Variants in HCN1 observed in about 807,000 individuals in gnomAD.
HCN1 encodes potassium/sodium hyperpolarization-activated cyclic nucleotide-gated channel 1.
Under a neutral mutation model 78.9 loss-of-function variants are expected in HCN1, and 13 were observed. The ratio of observed to expected loss-of-function variants is 0.16; its 90% CI spans 0.11 to 0.26. The LOEUF is 0.26. HCN1 is among the 10% of genes least tolerant of loss of function. The pLI, the probability that HCN1 is intolerant of heterozygous loss-of-function variation, is 1.00. For missense variants in HCN1, 810 were observed against 1,154.3 expected (o/e 0.70, Z 4.32); for synonymous variants, 552 against 455.5 (o/e 1.21, Z -2.70).
At chr5:45,295,910 C>T (rs1364791140) in intron 6 of HCN1, among the ~76,000 whole-genome samples, 1 of 151,860 alleles carries the variant, frequency 6.6e-6, no homozygotes, top group Non-Finnish European at 1.5e-5. Flanking sequence ...ATATGTATAG[C>T]TTATTAAATA....
intron 1 of HCN1, among the ~76,000 whole-genome samples, chr5:45,689,701 C>T (rs912771318): frequency 3.3e-5 from 5 of 151,988 alleles, no homozygotes; most frequent in East Asian, 1.9e-4. Context: ...CTGCATATAT[C>T]GGCTGAAATT....
Position 45,262,070 on chromosome 5 carries a change from A to C in HCN1, c.2524T>G (p.Phe842Val), listed in dbSNP as rs888196323. The change falls in exon 8 of 8, where the codon TTC (phenylalanine) becomes GTC (valine). Residue 842 changes from phenylalanine to valine, a missense_variant. By Grantham distance (50) the Phe-to-Val change is conservative. Transcript: ENST00000303230. ...RSTVPQRVTL[F>V]RQMSSGAIPP... ...ATGGCTCCCGACGACATCTGTCGGA[A>C]GAGGGTGACGCGCTGCGGGACAGTG... 1 of 1,613,700 alleles carries C rather than the reference A, an allele frequency of 6.2e-7. No homozygotes were observed. Among genetic ancestry groups the C allele is most frequent in the Non-Finnish European group, 8.5e-7 (1 of 1,179,972 alleles).
intron 2 of HCN1, among the ~76,000 whole-genome samples, chr5:45,485,139 C>G (rs185233946): frequency 6.6e-6 from 1 of 152,022 alleles, no homozygotes; most frequent in Non-Finnish European, 1.5e-5. Context: ...CTAATGGGGG[C>G]GGAAAAACTG....
intron 2 of HCN1, among the ~76,000 whole-genome samples, chr5:45,489,520 A>G (rs937911257): frequency 1.3e-5 from 2 of 152,170 alleles, no homozygotes; most frequent in African/African-American, 2.4e-5. Flanking sequence ...CAGAAATTCC[A>G]TGCATCTCCC....
chr5:45,313,893 G>T (rs1272798582), intron 5 of HCN1, among the ~76,000 whole-genome samples: 2 of 152,164 alleles, frequency 1.3e-5, no homozygotes, highest in African/African-American at 4.8e-5. Context: ...ACATCTGATT[G>T]GTGTACCTGA....
chr5:45,307,916 A>C (rs563074678), intron 5 of HCN1, among the ~76,000 whole-genome samples: 7 of 152,126 alleles, frequency 4.6e-5, no homozygotes, highest in Non-Finnish European at 1.0e-4. Context: ...GGAATTCTCC[A>C]TACTATTTCT....
intron 2 of HCN1, among the ~76,000 whole-genome samples, chr5:45,581,422 C>A (rs545186145): frequency 6.6e-6 from 1 of 151,900 alleles, no homozygotes; most frequent in East Asian, 1.9e-4. Context: ...GGATATTAGC[C>A]CTTTGTCAGA....
In HCN1 at chr5:45,515,248, C is replaced by T. The variant is rs533155921; in HGVS notation, c.850-53241G>A. ...GGTTTTCTTTTTTTCTTATAGATAA[C>T]CAAATTACTTGCCCAAAGAAGCTCT... On this transcript the variant is annotated intron_variant, in intron 2 of 7. Transcript: ENST00000303230. Among the ~76,000 whole-genome samples, 21 of 151,916 alleles carry T rather than the reference C, an allele frequency of 1.4e-4. 1 individual carries two copies. In the South Asian group the frequency reaches 4.2e-3, roughly 30 times the overall value.
intron 5 of HCN1, among the ~76,000 whole-genome samples, chr5:45,323,346 C>T (rs2111939560): frequency 6.6e-6 from 1 of 151,836 alleles, no homozygotes; most frequent in East Asian, 2.0e-4. Context: ...CTTAATTTTA[C>T]TTTTTTATTT....
chr5:45,649,040 C>A (rs1483837506), intron 1 of HCN1, among the ~76,000 whole-genome samples: 1 of 151,914 alleles, frequency 6.6e-6, no homozygotes, highest in Non-Finnish European at 1.5e-5. Context: ...ACAAGCATCC[C>A]ATATCTCAGG....
In HCN1 at chr5:45,262,597, G is replaced by T; in HGVS notation, c.1997C>A (p.Pro666Gln). ...AGACAGGCTGGTCGCTGTGTACACC[G>T]GTGGAGATTGTGTCCTCATGCGGGA... The part of the protein sequence containing the change: ...PTSRMRTQSP[P>Q]VYTATSLSHS... Residue 666 changes from proline (P) to glutamine (Q), a missense_variant, in exon 8 of 8, where the codon CCG (proline) becomes CAG (glutamine). By Grantham distance (76) the Pro-to-Gln change is moderately conservative. Around this residue, in one of 6 missense-constraint regions of HCN1, gnomAD observed 398 missense variants for 381.3 expected, o/e 1.04. Coordinates refer to ENST00000303230, the MANE Select transcript of HCN1 (RefSeq NM_021072.4). 1 of 1,613,934 alleles carries T rather than the reference G, an allele frequency of 6.2e-7. No individual in the cohort carries two copies. Among genetic ancestry groups the T allele is most frequent in the South Asian group, 1.1e-5 (1 of 91,074 alleles).
intron 2 of HCN1, among the ~76,000 whole-genome samples, chr5:45,616,693 G>GA (rs1744962322): frequency 6.6e-6 from 1 of 151,832 alleles, no homozygotes; most frequent in Admixed American, 6.6e-5. Flanking sequence ...AGAAGTTAAT[G>GA]AAAAAATATC....
At chr5:45,347,528 G>A (rs1222449196) in intron 5 of HCN1, among the ~76,000 whole-genome samples, 13 of 152,344 alleles carry the variant, frequency 8.5e-5, no homozygotes, top group African/African-American at 2.4e-4. Context: ...TGACTTTGAT[G>A]AGTTGAGAGA....
intron 1 of HCN1, among the ~76,000 whole-genome samples, chr5:45,682,479 A>C (rs928432549): frequency 6.6e-6 from 1 of 151,758 alleles, no homozygotes; most frequent in African/African-American, 2.4e-5. Flanking sequence ...GCACATAGGG[A>C]AAAAGGTTGT....
intron 5 of HCN1, among the ~76,000 whole-genome samples, chr5:45,304,297 GT>G (rs60299810): frequency 0.26 from 37,908 of 145,326 alleles, 6,498 homozygotes; most frequent in African/African-American, 0.5. Context: ...ACATTTTGAT[GT>G]TTTTTTTTTT....
At chr5:45,373,473 A>G (rs920558117) in intron 4 of HCN1, among the ~76,000 whole-genome samples, 6 of 139,238 alleles carry the variant, frequency 4.3e-5, no homozygotes, top group Non-Finnish European at 7.6e-5. Flanking sequence ...CATTATATAC[A>G]TCATCTATCA....
At chr5:45,311,219 T>C (rs961236190) in intron 5 of HCN1, among the ~76,000 whole-genome samples, 7 of 152,168 alleles carry the variant, frequency 4.6e-5, no homozygotes, top group African/African-American at 1.4e-4. Context: ...TATATATTCA[T>C]TTATTAAACA....
chr5:45,688,154 ATG>A (rs1739843365), intron 1 of HCN1, among the ~76,000 whole-genome samples: 1 of 152,098 alleles, frequency 6.6e-6, no homozygotes, highest in Non-Finnish European at 1.5e-5. Flanking sequence ...CTACTTACCA[ATG>A]TGTCTGTGCT....
intron 2 of HCN1, among the ~76,000 whole-genome samples, chr5:45,475,612 G>A (rs956902167): frequency 6.6e-6 from 1 of 151,962 alleles, no homozygotes; most frequent in South Asian, 2.1e-4. Flanking sequence ...GCGTCCAAAA[G>A]GTTACTATCA....
Sources: gnomAD v4.1 joint callset for allele counts (sites outside exome capture counted in the v4.1 genomes callset) on GRCh38, gnomAD v4.1.1 for gene constraint, gnomAD v4.1.1 regional missense constraint, MANE v1.5 for transcripts, NCBI Gene and HGNC (gene_info 2026-07-23, HGNC 2026-07-21) for gene names.